MAD1L1: variants seen among roughly 807,000 people sequenced by gnomAD.
MAD1L1 encodes the protein mitotic arrest deficient 1 like 1.
Under a neutral mutation model 96.9 loss-of-function variants are expected in MAD1L1, and 95 were observed. The ratio of observed to expected loss-of-function variants is 0.98; its 90% CI spans 0.83 to 1.16. The LOEUF (loss-of-function observed/expected upper bound fraction) is 1.16. Among genes scored for constraint, MAD1L1 ranks in the 50% most tolerant of loss-of-function variants. The pLI, the probability that MAD1L1 is intolerant of heterozygous loss-of-function variation, is 0.00. For missense variants in MAD1L1, 1,007 were observed against 954.4 expected (o/e 1.06, Z -0.73); for synonymous variants, 473 against 396.6 (o/e 1.19, Z -2.29).
chr7:2,127,965 C>T (rs1183779925), intron 11 of MAD1L1, among the ~76,000 whole-genome samples: 1 of 152,184 alleles, frequency 6.6e-6, no homozygotes, highest in Non-Finnish European at 1.5e-5. Flanking sequence ...GAGATTAAGA[C>T]AGTGTCCACC....
At chr7:1,948,668 G>C (rs921347283) in intron 16 of MAD1L1, among the ~76,000 whole-genome samples, 1 of 152,230 alleles carries the variant, frequency 6.6e-6, no homozygotes, top group Non-Finnish European at 1.5e-5. Context: ...AGCCTCTGTG[G>C]TTCCATAGCA....
chr7:2,210,742 G>C (rs187798243), intron 10 of MAD1L1, among the ~76,000 whole-genome samples: 1 of 152,210 alleles, frequency 6.6e-6, no homozygotes, highest in African/African-American at 2.4e-5. Context: ...AACCCAGCAC[G>C]TGAGGAAACC....
chr7:1,874,661 G>C (rs1429822338), intron 18 of MAD1L1: 5 of 392,598 alleles, frequency 1.3e-5, no homozygotes, highest in African/African-American at 2.1e-5. Flanking sequence ...GGAGGGAAAA[G>C]CAGCTCGCAG....
intron 16 of MAD1L1, among the ~76,000 whole-genome samples, chr7:1,955,178 C>A (rs139202312): frequency 6.3e-4 from 96 of 152,356 alleles, no homozygotes; most frequent in African/African-American, 2.2e-3. Flanking sequence ...GCATATGTTC[C>A]CAATTAAGTC....
intron 18 of MAD1L1, chr7:1,829,800 G>A (rs533270311): frequency 2.3e-4 from 34 of 151,104 alleles, no homozygotes; most frequent in African/African-American, 7.8e-4. Flanking sequence ...AAAACCAGTA[G>A]TACAGATGAA....
intron 11 of MAD1L1, among the ~76,000 whole-genome samples, chr7:2,085,347 C>A (rs543012592): frequency 6.6e-6 from 1 of 152,336 alleles, no homozygotes; most frequent in South Asian, 2.1e-4. Flanking sequence ...ACCGTGTGGT[C>A]TGTCTCCCCG....
intron 18 of MAD1L1, among the ~76,000 whole-genome samples, chr7:1,894,948 C>T (rs1179225261): frequency 6.6e-6 from 1 of 152,138 alleles, no homozygotes; most frequent in Non-Finnish European, 1.5e-5. Context: ...CACTTAGGCC[C>T]CCTGGGGACC....
chr7:1,899,580 G>A (rs73048124), intron 17 of MAD1L1, among the ~76,000 whole-genome samples: 2 of 152,210 alleles, frequency 1.3e-5, no homozygotes, highest in African/African-American at 4.8e-5. Context: ...CATATGGTTG[G>A]AGAGAACAAG....
At chr7:2,223,362 C>G (rs1305079840) in intron 4 of MAD1L1, 1 of 152,294 alleles carries the variant, frequency 6.6e-6, no homozygotes, top group Admixed American at 6.5e-5. Context: ...TGGGACATGA[C>G]CAAGCACCAC....
chr7:1,864,124 C>T (rs1462500023), intron 18 of MAD1L1, among the ~76,000 whole-genome samples: 4 of 152,172 alleles, frequency 2.6e-5, no homozygotes, highest in South Asian at 4.1e-4. Context: ...GGCGGCCCTG[C>T]GGAGGAATTC....
At chr7:2,128,375 G>A (rs1788339575) in intron 11 of MAD1L1, among the ~76,000 whole-genome samples, 1 of 152,022 alleles carries the variant, frequency 6.6e-6, no homozygotes, top group Non-Finnish European at 1.5e-5. Context: ...GAGGGCGGAG[G>A]AGGCCAGACC....
intron 5 of MAD1L1, 48 bp from the exon 6 acceptor site, chr7:2,219,504 C>A (rs748181067): frequency 9.4e-6 from 15 of 1,594,222 alleles, no homozygotes; most frequent in Admixed American, 5.2e-5. Context: ...GGAGCCCGTG[C>A]GTGGAAGGAG....
intron 11 of MAD1L1, among the ~76,000 whole-genome samples, chr7:2,147,293 C>T (rs1403723155): frequency 6.6e-6 from 1 of 151,966 alleles, no homozygotes; most frequent in South Asian, 2.1e-4. Flanking sequence ...TCCAACCTCA[C>T]GCCCAGAGGC....
At chr7:1,898,948 C>G (rs1185392179) in intron 17 of MAD1L1, among the ~76,000 whole-genome samples, 1 of 152,210 alleles carries the variant, frequency 6.6e-6, no homozygotes, top group Non-Finnish European at 1.5e-5. Context: ...GACGCCTACC[C>G]CACAGGAGCC....
intron 17 of MAD1L1, among the ~76,000 whole-genome samples, chr7:1,916,598 C>T (rs1235159974): frequency 5.3e-5 from 8 of 152,230 alleles, no homozygotes; most frequent in South Asian, 2.1e-4. Context: ...CTTAGCCCCT[C>T]GGACTACGCA....
intron 18 of MAD1L1, among the ~76,000 whole-genome samples, chr7:1,826,506 C>T: frequency 6.6e-6 from 1 of 152,182 alleles, no homozygotes; most frequent in Non-Finnish European, 1.5e-5. Context: ...AGCTCCTGGT[C>T]CAGAGGTCCA....
At chr7:2,231,349 G>A (rs1265211276) in intron 1 of MAD1L1, among the ~76,000 whole-genome samples, 3 of 152,090 alleles carry the variant, frequency 2.0e-5, no homozygotes, top group African/African-American at 2.4e-5. Context: ...GCCAGGCACT[G>A]TTGCTCATGC....
rs77634765 is a variant in MAD1L1, at chr7:2,039,042, G to A, written c.1219-24400C>T. Reference sequence around the variant, plus strand: ...TTCACAGCCACGATTCCTCCTGTGCGTCTCCGTAACTCACGGCAGCCATCC... The same window carrying A: ...TTCACAGCCACGATTCCTCCTGTGCATCTCCGTAACTCACGGCAGCCATCC... On this transcript the variant is annotated intron_variant, in intron 12 of 18. Transcript: ENST00000265854. Among the ~76,000 whole-genome samples, 387 of 152,236 alleles carry A rather than the reference G, an allele frequency of 2.5e-3. 3 individuals are homozygous for A. Among genetic ancestry groups the A allele is most frequent in the African/African-American group, 8.5e-3 (354 of 41,530 alleles).
At chr7:2,074,328 G>C (rs1223824153) in intron 11 of MAD1L1, among the ~76,000 whole-genome samples, 1 of 152,062 alleles carries the variant, frequency 6.6e-6, no homozygotes, top group East Asian at 1.9e-4. Flanking sequence ...CAGGCGCCAA[G>C]GACGCAGTGA....
Sources: gnomAD v4.1 joint callset for allele counts (sites outside exome capture counted in the v4.1 genomes callset) on GRCh38, gnomAD v4.1.1 for gene constraint, MANE v1.5 for transcripts, NCBI Gene and HGNC (gene_info 2026-07-23, HGNC 2026-07-21) for gene names.